IQCM: variants seen among roughly 807,000 people sequenced by gnomAD.
IQCM encodes IQ domain-containing protein M.
In IQCM, 45 loss-of-function variants were observed where a neutral mutation model predicts 57.6. That is an observed-to-expected ratio of 0.78 (90% CI 0.62 to 1.00). The LOEUF (loss-of-function observed/expected upper bound fraction) is 1.00, where lower values mean the gene tolerates loss of function less well. Ranked by LOEUF, IQCM falls within the 50% of genes least tolerant of loss-of-function variation. The probability of loss-of-function intolerance (pLI) is 0.00; values close to 1 mark genes in which losing one functional copy is unlikely to be tolerated. For synonymous variants in IQCM, 148 were observed against 158.9 expected (o/e 0.93, Z 0.51); for missense variants, 468 against 511.6 (o/e 0.91, Z 0.82).
At chr4:149,774,607 G>A (rs1023132537) in intron 2 of IQCM, among the ~76,000 whole-genome samples, 1 of 151,898 alleles carries the variant, frequency 6.6e-6, no homozygotes, top group African/African-American at 2.4e-5. Flanking sequence ...AATCAGACAT[G>A]GCCTCCTCCA....
intron 12 of IQCM, among the ~76,000 whole-genome samples, chr4:149,454,616 A>C (rs1737485659): frequency 6.6e-6 from 1 of 152,042 alleles, no homozygotes; most frequent in African/African-American, 2.4e-5. Flanking sequence ...TGAAACTAAA[A>C]TAAAAGGTTT....
chr4:149,594,579 C>T (rs1043534114), intron 8 of IQCM, among the ~76,000 whole-genome samples: 3 of 152,034 alleles, frequency 2.0e-5, no homozygotes, highest in Admixed American at 6.6e-5. Context: ...TCCTGCTTTC[C>T]CTTGTGGGCA....
chr4:149,645,952 G>A (rs1344807234), intron 7 of IQCM, among the ~76,000 whole-genome samples: 1 of 152,124 alleles, frequency 6.6e-6, no homozygotes, highest in Non-Finnish European at 1.5e-5. Flanking sequence ...ACCTGCCCCT[G>A]GCTGAGACCT....
At chr4:149,470,711 A>T (rs1739428148) in intron 12 of IQCM, among the ~76,000 whole-genome samples, 1 of 152,190 alleles carries the variant, frequency 6.6e-6, no homozygotes, top group African/African-American at 2.4e-5. Context: ...AAAATTGACC[A>T]CATAGTCGGA....
intron 5 of IQCM, among the ~76,000 whole-genome samples, chr4:149,712,657 A>G (rs1306557725): frequency 1.3e-5 from 2 of 152,204 alleles, no homozygotes; most frequent in African/African-American, 4.8e-5. Context: ...TTTCTAGCAT[A>G]GAGTACAGAT....
intron 9 of IQCM, among the ~76,000 whole-genome samples, chr4:149,566,011 A>T (rs1470621229): frequency 2.0e-5 from 3 of 152,208 alleles, no homozygotes; most frequent in Non-Finnish European, 4.4e-5. Context: ...GAGCTGAAGA[A>T]TAGGAAACAA....
intron 2 of IQCM, among the ~76,000 whole-genome samples, chr4:149,769,065 G>T (rs1770319969): frequency 6.6e-6 from 1 of 151,954 alleles, no homozygotes; most frequent in Non-Finnish European, 1.5e-5. Context: ...CACTGTTTTT[G>T]TATTTAACAA....
rs185768103 is a variant in IQCM, at chr4:149,714,852, T to C, written c.385+18392A>G. ...AGTGATTAAATGGATGGGGCACATA[T>C]ATAGTGTGGATATGCTGGAGACAGG... On this transcript the variant is annotated intron_variant, in intron 5 of 13. Transcript: ENST00000636793. Among the ~76,000 whole-genome samples, 11 of 152,248 alleles carry C rather than the reference T, an allele frequency of 7.2e-5. No individual in the cohort carries two copies. In the East Asian group the frequency reaches 2.1e-3, roughly 29 times the overall value.
chr4:149,488,727 T>C (rs551139972), intron 12 of IQCM, among the ~76,000 whole-genome samples: 1 of 152,184 alleles, frequency 6.6e-6, no homozygotes, highest in Non-Finnish European at 1.5e-5. Flanking sequence ...ATAACTTTAA[T>C]TTGGAACAAT....
rs564688328 is a variant in IQCM at position 149,366,505 on chromosome 4, C to T, written c.1391-14439G>A. ...TATCCTTCAATAGGAGGTTCAAGTT[C>T]ATGTCTGTTTGATGAATTCCCAGAC... is the stretch of plus-strand genomic sequence containing the variant. On this transcript the variant is annotated intron_variant, in intron 13 of 13. Coordinates refer to ENST00000636793, the MANE Select transcript of IQCM (RefSeq NM_001363507.2). Among the ~76,000 whole-genome samples the T allele has an allele frequency of 7.9e-5, 12 of 151,960 alleles. No homozygotes were observed. In the South Asian group the frequency reaches 2.5e-3, roughly 32 times the overall value.
intron 12 of IQCM, among the ~76,000 whole-genome samples, chr4:149,545,449 G>A (rs751710098): frequency 6.6e-6 from 1 of 152,062 alleles, no homozygotes; most frequent in Non-Finnish European, 1.5e-5. Flanking sequence ...CCAACAGGTA[G>A]ATGATCATCA....
intron 12 of IQCM, among the ~76,000 whole-genome samples, chr4:149,515,184 C>T (rs1744827844): frequency 6.6e-6 from 1 of 151,096 alleles, no homozygotes; most frequent in South Asian, 2.1e-4. Flanking sequence ...TTGGAGATAA[C>T]TACTCCCCTT....
intron 7 of IQCM, among the ~76,000 whole-genome samples, chr4:149,667,485 A>G (rs1760840508): frequency 6.6e-6 from 1 of 152,122 alleles, no homozygotes; most frequent in Admixed American, 6.5e-5. Flanking sequence ...ACCAGCACAA[A>G]AAGTCTAAAA....
At chr4:149,616,477 T>C (rs985612160) in intron 8 of IQCM, among the ~76,000 whole-genome samples, 1 of 151,974 alleles carries the variant, frequency 6.6e-6, no homozygotes, top group Non-Finnish European at 1.5e-5. Context: ...GAGTTTCAGT[T>C]TGGGAAGATA....
chr4:149,701,477 GAAT>G (rs1689097216), intron 5 of IQCM, among the ~76,000 whole-genome samples: 1 of 152,024 alleles, frequency 6.6e-6, no homozygotes, highest in East Asian at 1.9e-4. Context: ...GAGTGTTTGA[GAAT>G]AAAGGTTGTT....
intron 13 of IQCM, among the ~76,000 whole-genome samples, chr4:149,388,304 T>C (rs1208892544): frequency 6.6e-6 from 1 of 151,566 alleles, no homozygotes; most frequent in African/African-American, 2.4e-5. Context: ...CAGTGACATA[T>C]AAGTAAGTCT....
intron 13 of IQCM, among the ~76,000 whole-genome samples, chr4:149,358,882 A>AGTATATCATGATAT: frequency 2.0e-5 from 3 of 151,580 alleles, no homozygotes; most frequent in East Asian, 1.9e-4. Context: ...ATATCATGAG[A>AGTATATCATGATAT]CCACAGTGGA....
intron 13 of IQCM, among the ~76,000 whole-genome samples, chr4:149,407,469 C>G (rs866272370): frequency 6.6e-6 from 1 of 152,090 alleles, no homozygotes; most frequent in Non-Finnish European, 1.5e-5. Flanking sequence ...CATCCCTCCC[C>G]CTGGTGCCCC....
At chr4:149,731,617 C>A (rs928242750) in intron 5 of IQCM, among the ~76,000 whole-genome samples, 4 of 152,034 alleles carry the variant, frequency 2.6e-5, no homozygotes, top group Non-Finnish European at 5.9e-5. Flanking sequence ...GTTGATTTTT[C>A]AAAAACCAGT....
Sources: gnomAD v4.1 joint callset for allele counts (sites outside exome capture counted in the v4.1 genomes callset) on GRCh38, gnomAD v4.1.1 for gene constraint, MANE v1.5 for transcripts, NCBI Gene and HGNC (gene_info 2026-07-23, HGNC 2026-07-21) for gene names.